AKR1C3: variants seen among roughly 807,000 people sequenced by gnomAD.
The protein encoded by AKR1C3 is 3-alpha hydroxysteroid dehydrogenase, type II.
In AKR1C3, 48 loss-of-function variants were observed where a neutral mutation model predicts 43.6. The ratio of observed to expected loss-of-function variants is 1.10; its 90% confidence interval spans 0.87 to 1.40. The LOEUF (loss-of-function observed/expected upper bound fraction) is 1.40. Among genes scored for constraint, AKR1C3 ranks in the 40% most tolerant of loss-of-function variants. The pLI is 0.00. For missense variants in AKR1C3, 482 were observed against 391.2 expected, an observed-to-expected ratio of 1.23 and a Z score of -1.96; for synonymous variants, 162 against 139.6, an observed-to-expected ratio of 1.16 and a Z score of -1.13.
intron 7 of AKR1C3, 93 bp from the exon 8 acceptor site, chr10:5,105,492 CTTACCAATAT>C (rs1839477057): frequency 1.2e-6 from 1 of 865,162 alleles, no homozygotes; most frequent in African/African-American, 1.7e-5. Flanking sequence ...CTGTTTAAAA[CTTACCAATAT>C]TTTAAGTATT....
At chr10:5,087,653 G>C (rs1157341542) in intron 1 of AKR1C3, among the ~76,000 whole-genome samples, 3 of 151,956 alleles carry the variant, frequency 2.0e-5, no homozygotes, top group Non-Finnish European at 4.4e-5. Context: ...GATTACAGAC[G>C]TAAGCCACTT....
intron 1 of AKR1C3, among the ~76,000 whole-genome samples, chr10:5,082,189 G>A (rs1838852140): frequency 6.6e-6 from 1 of 152,074 alleles, no homozygotes; most frequent in Non-Finnish European, 1.5e-5. Context: ...TCTTTTTGAG[G>A]AACCTTTAGG....
At chr10:5,075,231 C>T (rs995114971) in intron 1 of AKR1C3, among the ~76,000 whole-genome samples, 2 of 152,002 alleles carry the variant, frequency 1.3e-5, no homozygotes, top group Admixed American at 6.6e-5. Flanking sequence ...ATGGTTTACA[C>T]GTTGCTCTGT....
chr10:5,100,242 C>T (rs570568161), intron 5 of AKR1C3, among the ~76,000 whole-genome samples: 5 of 152,164 alleles, frequency 3.3e-5, no homozygotes, highest in Non-Finnish European at 4.4e-5. Flanking sequence ...TGCGGTGAGC[C>T]GAGGTCACGC....
rs144493319 is a variant in AKR1C3 at position 5,099,412 on chromosome 10, A to G, written c.533A>G (p.Asn178Ser). The G allele has an allele frequency of 3.1e-6, 5 of 1,614,044 alleles. No homozygotes were observed. In the African/African-American group the frequency reaches 5.3e-5, roughly 17 times the overall value. The change falls in exon 5 of 9, where the codon AAC (asparagine) becomes AGC (serine). Residue 178 changes from asparagine to serine, a missense_variant. Transcript: ENST00000380554. ...FNRRQLEMILNKPGLKYKPVC... is the reference protein window; with the variant it reads ...FNRRQLEMILSKPGLKYKPVC... ...CGCAGGCAGCTGGAGATGATCCTCA[A>G]CAAGCCAGGACTCAAGTACAAGCCT...
intron 1 of AKR1C3, among the ~76,000 whole-genome samples, chr10:5,063,995 G>A (rs1838441083): frequency 6.6e-6 from 1 of 152,096 alleles, no homozygotes; most frequent in East Asian, 1.9e-4. Context: ...TTTCAGGAAT[G>A]TTTACAGCAT....
chr10:5,049,935 G>A (rs2895058), intron 1 of AKR1C3, among the ~76,000 whole-genome samples: 5,992 of 152,272 alleles, frequency 0.039, 399 homozygotes, highest in African/African-American at 0.14. Flanking sequence ...CAGAGCAGTC[G>A]ACATCATTGC....
At chr10:5,103,137 T>G (rs1265135331) in intron 7 of AKR1C3, among the ~76,000 whole-genome samples, 2 of 152,170 alleles carry the variant, frequency 1.3e-5, no homozygotes, top group Admixed American at 6.5e-5. Flanking sequence ...GCAACCCACC[T>G]GCTGTGGCCT....
At chr10:5,074,570 G>A (rs1554781628) in intron 1 of AKR1C3, among the ~76,000 whole-genome samples, 1 of 152,186 alleles carries the variant, frequency 6.6e-6, no homozygotes, top group Admixed American at 6.5e-5. Flanking sequence ...TCTCTTAAGT[G>A]CTGCTATCTG....
intron 1 of AKR1C3, among the ~76,000 whole-genome samples, chr10:5,089,412 C>T (rs1839038312): frequency 6.6e-6 from 1 of 152,068 alleles, no homozygotes; most frequent in African/African-American, 2.4e-5. Context: ...TATATAATCC[C>T]ATATTTCTCA....
At chr10:5,087,900 C>T (rs571838080) in intron 1 of AKR1C3, among the ~76,000 whole-genome samples, 1 of 151,748 alleles carries the variant, frequency 6.6e-6, no homozygotes, top group Admixed American at 6.6e-5. Context: ...TTTTCTAGTT[C>T]CTTAGAAGTG....
At chr10:5,107,405 C>T in intron 8 of AKR1C3, 56 bp from the exon 9 acceptor site, 2 of 1,223,372 alleles carry the variant, frequency 1.6e-6, no homozygotes, top group Non-Finnish European at 1.2e-6. Flanking sequence ...AATCACTTTA[C>T]TACTCCCCTA....
chr10:5,097,291 A>G, intron 2 of AKR1C3, 143 bp from the exon 3 acceptor site: 1 of 993,974 alleles, frequency 1.0e-6, no homozygotes, highest in Non-Finnish European at 1.5e-6. Context: ...GAGCCAAAGG[A>G]ATCATGAGAA....
chr10:5,103,212 A>T (rs1839403695), intron 7 of AKR1C3, among the ~76,000 whole-genome samples: 1 of 152,156 alleles, frequency 6.6e-6, no homozygotes. Flanking sequence ...AGAAATGTGG[A>T]GTAGCATTAG....
intron 3 of AKR1C3, 93 bp downstream of exon 3, chr10:5,097,643 A>G: frequency 6.3e-7 from 1 of 1,598,674 alleles, no homozygotes; most frequent in Non-Finnish European, 8.5e-7. Context: ...TATTAGGAGG[A>G]TGTAGGGATT....
intron 1 of AKR1C3, among the ~76,000 whole-genome samples, chr10:5,049,366 G>A (rs188649102): frequency 1.6e-4 from 24 of 152,238 alleles, no homozygotes; most frequent in Non-Finnish European, 2.5e-4. Context: ...TCTGATATGC[G>A]GCCTTGAGCA....
chr10:5,076,764 C>T (rs943779111), intron 1 of AKR1C3, among the ~76,000 whole-genome samples: 1 of 152,170 alleles, frequency 6.6e-6, no homozygotes, highest in Non-Finnish European at 1.5e-5. Flanking sequence ...TCCTCACTGT[C>T]ATGCATAGAG....
rs917884779 is a variant in AKR1C3, at chr10:5,073,926, T to G, written c.85-22484T>G. Among the ~76,000 whole-genome samples, 8 of 152,032 alleles carry G rather than the reference T, an allele frequency of 5.3e-5. No homozygotes were observed. The South Asian group carries it at 1.2e-3, about 24-fold the overall frequency. Reference sequence around the variant, plus strand: ...ATAAATCTTAGGGCCCCAAAATCACTAAGCTAAAGAAAAAAGTCAAGCTGG... The same window carrying G: ...ATAAATCTTAGGGCCCCAAAATCACGAAGCTAAAGAAAAAAGTCAAGCTGG... On this transcript the variant is annotated intron_variant, in intron 1 of 8. Transcript: ENST00000439082.
At chr10:5,075,200 A>AT (rs59947954) in intron 1 of AKR1C3, among the ~76,000 whole-genome samples, 1,991 of 149,118 alleles carry the variant, frequency 0.013, 21 homozygotes, top group African/African-American at 0.031. Context: ...TCCCTCTCTC[A>AT]TTTTTTTTTT....
Sources: allele counts gnomAD v4.1 joint callset (sites outside exome capture counted in the v4.1 genomes callset), GRCh38; gene constraint gnomAD v4.1.1; transcripts MANE v1.5; gene names NCBI Gene and HGNC (gene_info 2026-07-23, HGNC 2026-07-21).